VEPH1: variants seen among roughly 807,000 people sequenced by gnomAD.
VEPH1 encodes ventricular zone-expressed PH domain-containing protein homolog 1.
In VEPH1, 80 loss-of-function variants were observed where a neutral mutation model predicts 85.2. That is an observed-to-expected ratio of 0.94 (90% CI 0.78 to 1.13). The LOEUF (loss-of-function observed/expected upper bound fraction) is 1.13. Among genes scored for constraint, VEPH1 ranks in the 50% most tolerant of loss-of-function variants. The pLI is 0.00. For synonymous variants in VEPH1, 297 were observed against 348.0 expected (o/e 0.85, Z 1.63); for missense variants, 955 against 980.5 (o/e 0.97, Z 0.35).
chr3:157,465,078 C>T (rs923121647), intron 3 of VEPH1, among the ~76,000 whole-genome samples: 3 of 152,152 alleles, frequency 2.0e-5, no homozygotes, highest in Admixed American at 6.5e-5. Context: ...CAGTCCCCTC[C>T]CATTTCCTGC....
chr3:157,340,369 G>A (rs532037452), intron 9 of VEPH1, among the ~76,000 whole-genome samples: 2 of 152,344 alleles, frequency 1.3e-5, no homozygotes, highest in South Asian at 2.1e-4. Context: ...CACACCAGGA[G>A]ATTATATCCC....
intron 9 of VEPH1, among the ~76,000 whole-genome samples, chr3:157,340,199 G>T (rs1399492215): frequency 6.6e-6 from 1 of 152,170 alleles, no homozygotes; most frequent in African/African-American, 2.4e-5. Context: ...GCAGCCCACT[G>T]AGTGTGAGCC....
At chr3:157,343,948 G>A (rs184244410) in intron 9 of VEPH1, among the ~76,000 whole-genome samples, 8 of 152,182 alleles carry the variant, frequency 5.3e-5, no homozygotes, top group African/African-American at 1.9e-4. Context: ...CTCAATAGAT[G>A]CAGAAAAGGC....
chr3:157,389,401 C>T (rs1434016130), intron 6 of VEPH1, among the ~76,000 whole-genome samples: 1 of 152,100 alleles, frequency 6.6e-6, no homozygotes, highest in African/African-American at 2.4e-5. Flanking sequence ...AGAATAGATA[C>T]TTGTTTACAG....
chr3:157,388,896 G>A (rs1386978936), intron 6 of VEPH1, among the ~76,000 whole-genome samples: 1 of 152,066 alleles, frequency 6.6e-6, no homozygotes, highest in Admixed American at 6.6e-5. Context: ...CTTGGATTTT[G>A]GTATCCACGG....
chr3:157,442,270 A>G (rs1175834629), intron 4 of VEPH1: 22 of 1,138,808 alleles, frequency 1.9e-5, no homozygotes, highest in Non-Finnish European at 2.7e-5. Context: ...TTCAATTGTA[A>G]TAATTAAAAT....
chr3:157,417,718 G>A (rs569290310), intron 5 of VEPH1, among the ~76,000 whole-genome samples: 1 of 152,090 alleles, frequency 6.6e-6, no homozygotes, highest in East Asian at 1.9e-4. Context: ...CTTCTTGGAA[G>A]TCTTCTTTCC....
chr3:157,373,716 T>C (rs747123987), intron 7 of VEPH1, among the ~76,000 whole-genome samples: 1 of 152,186 alleles, frequency 6.6e-6, no homozygotes, highest in Non-Finnish European at 1.5e-5. Flanking sequence ...ACTTTGGTGT[T>C]CTCTGTCTTG....
chr3:157,425,203 T>C (rs1481012739), intron 5 of VEPH1, among the ~76,000 whole-genome samples: 1 of 152,200 alleles, frequency 6.6e-6, no homozygotes, highest in Admixed American at 6.5e-5. Context: ...ATCCTGTGGG[T>C]GCACAAAAGT....
chr3:157,363,816 G>A (rs1726326257), intron 8 of VEPH1, 55 bp from the exon 9 acceptor site: 7 of 1,556,732 alleles, frequency 4.5e-6, no homozygotes, highest in Admixed American at 3.8e-5. Flanking sequence ...TCACTGACAA[G>A]GAAAAGAAAT....
At chr3:157,459,993 T>C (rs1363973001) in intron 4 of VEPH1, 188 bp downstream of exon 4, 4 of 1,541,072 alleles carry the variant, frequency 2.6e-6, no homozygotes, top group African/African-American at 2.7e-5. Flanking sequence ...TCATCTGCCT[T>C]GGGAAGGGAC....
chr3:157,348,746 C>T (rs1189388121), intron 9 of VEPH1, among the ~76,000 whole-genome samples: 1 of 152,236 alleles, frequency 6.6e-6, no homozygotes, highest in Non-Finnish European at 1.5e-5. Flanking sequence ...TACTCCCCTG[C>T]TGCACTTCCG....
At chr3:157,347,850 C>T (rs1383647747) in intron 9 of VEPH1, among the ~76,000 whole-genome samples, 4 of 152,356 alleles carry the variant, frequency 2.6e-5, no homozygotes, top group East Asian at 3.9e-4. Flanking sequence ...CAGGAATTCA[C>T]ATAGCTGCAT....
Position 157,358,959 on chromosome 3 carries a change from G to A in VEPH1, c.1735+4405C>T, listed in dbSNP as rs148322538. ...TGCAGTGAGCCGAGATTGTGCCACA[G>A]CACTCCAGCCTGGTGACAGAGTGAG... is the stretch of plus-strand genomic sequence containing the variant. On this transcript the variant is annotated intron_variant, in intron 9 of 13. Coordinates refer to ENST00000362010, the MANE Select transcript of VEPH1 (RefSeq NM_001167912.2). Among the ~76,000 whole-genome samples, 424 of 152,212 alleles carry A rather than the reference G, an allele frequency of 2.8e-3. 5 individuals carry two copies. The East Asian group carries it at 0.043, about 15-fold the overall frequency.
chr3:157,496,652 G>A (rs965815392), intron 1 of VEPH1, among the ~76,000 whole-genome samples: 1 of 152,202 alleles, frequency 6.6e-6, no homozygotes, highest in Non-Finnish European at 1.5e-5. Context: ...AGAATCTATT[G>A]TTTCCTTGGG....
intron 6 of VEPH1, among the ~76,000 whole-genome samples, chr3:157,402,560 A>C (rs1452574795): frequency 6.6e-6 from 1 of 152,194 alleles, no homozygotes; most frequent in African/African-American, 2.4e-5. Flanking sequence ...TCAATGAAGC[A>C]AGATGGTTAG....
intron 7 of VEPH1, 150 bp downstream of exon 7, chr3:157,381,006 T>C: frequency 1.4e-6 from 1 of 739,366 alleles, no homozygotes. Context: ...AGAAGAAAGA[T>C]TCTGGCAAGT....
At chr3:157,412,255 G>A (rs1731588685) in intron 6 of VEPH1, among the ~76,000 whole-genome samples, 1 of 152,142 alleles carries the variant, frequency 6.6e-6, no homozygotes, top group Non-Finnish European at 1.5e-5. Flanking sequence ...AACAGTGCAA[G>A]AATAGATGGA....
intron 12 of VEPH1, among the ~76,000 whole-genome samples, chr3:157,267,102 CTTTTTTT>C (rs10537483): frequency 8.0e-6 from 1 of 124,676 alleles, no homozygotes; most frequent in Non-Finnish European, 1.6e-5. Context: ...TCTTTTTTTT[CTTTTTTT>C]TTTTTTTTTG....
Sources: allele counts gnomAD v4.1 joint callset (sites outside exome capture counted in the v4.1 genomes callset), GRCh38; gene constraint gnomAD v4.1.1; transcripts MANE v1.5; gene names NCBI Gene and HGNC (gene_info 2026-07-23, HGNC 2026-07-21).